Variants in ADGRG2 observed in about 807,000 individuals in gnomAD.
ADGRG2 encodes G protein-coupled receptor 64.
ADGRG2 carries 26 observed loss-of-function variants against 74.1 expected under a neutral mutation model. The ratio of observed to expected loss-of-function variants is 0.35; its 90% CI spans 0.26 to 0.49. ADGRG2 has a LOEUF of 0.49. ADGRG2 is among the 20% of genes least tolerant of loss of function. ADGRG2 has a pLI of 0.99. For missense variants in ADGRG2, 619 were observed against 763.1 expected (o/e 0.81, Z 2.22); for synonymous variants, 296 against 295.2 (o/e 1.00, Z -0.03).
At chrX:19,057,459 G>A (rs999265830) in intron 3 of ADGRG2, among the ~76,000 whole-genome samples, 5 of 111,898 alleles carry the variant, frequency 4.5e-5, no homozygotes, top group African/African-American at 1.6e-4. Context: ...TGTACGTTTT[G>A]CAAAGGTAGT....
chrX:19,117,208 T>C (rs1366819145), intron 1 of ADGRG2, among the ~76,000 whole-genome samples: 1 of 108,829 alleles, frequency 9.2e-6, no homozygotes, highest in African/African-American at 3.4e-5. Flanking sequence ...GGCAGAGAAC[T>C]GCTTGAACCT....
At chrX:19,108,215 C>T (rs1219962977) in intron 1 of ADGRG2, among the ~76,000 whole-genome samples, 1 of 108,901 alleles carries the variant, frequency 9.2e-6, no homozygotes, top group East Asian at 2.8e-4. Flanking sequence ...GCCTGTAATC[C>T]CAGCAGTTTA....
intron 3 of ADGRG2, among the ~76,000 whole-genome samples, chrX:19,066,605 G>A (rs1212794879): frequency 1.8e-5 from 2 of 108,512 alleles, no homozygotes; most frequent in Non-Finnish European, 3.8e-5. Context: ...ACAGACACCC[G>A]CAACCATGCC....
chrX:19,001,411 T>G (rs2060129990), intron 24 of ADGRG2, among the ~76,000 whole-genome samples: 1 of 112,088 alleles, frequency 8.9e-6, no homozygotes, highest in South Asian at 3.7e-4. Flanking sequence ...CAATTCCTTG[T>G]CACAGACCAG....
At chrX:19,012,759 G>A (rs2060383713) in intron 16 of ADGRG2, among the ~76,000 whole-genome samples, 1 of 111,029 alleles carries the variant, frequency 9.0e-6, no homozygotes. Flanking sequence ...CCAGGGTGGA[G>A]GAGGTGGGTA....
At chrX:19,008,673 A>C (rs1218358591) in intron 18 of ADGRG2, among the ~76,000 whole-genome samples, 1 of 111,214 alleles carries the variant, frequency 9.0e-6, no homozygotes, top group Non-Finnish European at 1.9e-5. Context: ...CTCAAAAAAA[A>C]AGAAAAAAAA....
At chrX:19,116,782 T>C (rs1464562317) in intron 1 of ADGRG2, among the ~76,000 whole-genome samples, 2 of 111,660 alleles carry the variant, frequency 1.8e-5, no homozygotes, top group Non-Finnish European at 3.8e-5. Flanking sequence ...AGAAACTAAA[T>C]GAGCAGTTTT....
At chrX:19,081,851 G>A (rs972091785) in intron 2 of ADGRG2, among the ~76,000 whole-genome samples, 3 of 110,319 alleles carry the variant, frequency 2.7e-5, no homozygotes, top group Admixed American at 9.7e-5. Context: ...GAAGCAGGAG[G>A]ATGGATTGAG....
chrX:19,035,960 G>T lies in ADGRG2; in HGVS notation c.244C>A (p.Leu82Ile). 2.0e-6 allele frequency: 2 copies of T among 994,143 alleles called. No homozygotes were observed. Among genetic ancestry groups the T allele is most frequent in the African/African-American group, 1.9e-5 (1 of 53,275 alleles). The allele number at this position is 994,143 out of a possible 1,213,427, so 81.9% of individuals were successfully genotyped here. ...TSLNDVTLSL[L>I]PSNETEKTKI... ...ATATTACCTGTTTCGTTTGAAGGGAGTAAGCTTAAAGTAACATCTGAAATA... is the reference window on the plus strand; with the variant it reads ...ATATTACCTGTTTCGTTTGAAGGGATTAAGCTTAAAGTAACATCTGAAATA... Residue 82 changes from leucine (L) to isoleucine (I), a missense_variant, in exon 7 of 29, where the codon CTC (leucine) becomes ATC (isoleucine). This residue lies in a region of ADGRG2 where 292 missense variants were observed against 318.0 expected (regional missense o/e 0.92). Transcript: ENST00000379869.
At chrX:19,009,160 G>A (rs1205898266) in intron 18 of ADGRG2, among the ~76,000 whole-genome samples, 1 of 109,301 alleles carries the variant, frequency 9.1e-6, no homozygotes, top group Non-Finnish European at 1.9e-5. Flanking sequence ...CTGACATCCT[G>A]TACCAGCCAA....
At chrX:19,026,085 T>C (rs2060695394) in intron 11 of ADGRG2, among the ~76,000 whole-genome samples, 1 of 111,758 alleles carries the variant, frequency 8.9e-6, no homozygotes, top group Non-Finnish European at 1.9e-5. Flanking sequence ...TAGTTGAACT[T>C]CTTAACCACT....
intron 3 of ADGRG2, among the ~76,000 whole-genome samples, chrX:19,064,824 C>T (rs754170059): frequency 7.3e-4 from 82 of 111,890 alleles, no homozygotes; most frequent in Middle Eastern, 4.6e-3. Flanking sequence ...AGGCAAGTTG[C>T]TTAACTCCTC....
intron 1 of ADGRG2, among the ~76,000 whole-genome samples, chrX:19,102,159 C>G (rs1213487910): frequency 9.7e-6 from 1 of 102,723 alleles, no homozygotes; most frequent in African/African-American, 3.5e-5. Flanking sequence ...TCACTTGAGC[C>G]CAGGAGTTCA....
At chrX:19,086,273 A>G (rs1426149462) in intron 1 of ADGRG2, among the ~76,000 whole-genome samples, 1 of 111,001 alleles carries the variant, frequency 9.0e-6, no homozygotes. Context: ...CAAGTCACAA[A>G]AGGAACCATA....
intron 1 of ADGRG2, among the ~76,000 whole-genome samples, chrX:19,118,462 T>A (rs2062561715): frequency 8.9e-6 from 1 of 112,432 alleles, no homozygotes; most frequent in Non-Finnish European, 1.9e-5. Flanking sequence ...CATAGCTCAC[T>A]GCAGCCTCAA....
intron 3 of ADGRG2, among the ~76,000 whole-genome samples, chrX:19,062,654 A>G (rs2061504763): frequency 1.8e-5 from 2 of 111,610 alleles, no homozygotes; most frequent in African/African-American, 6.5e-5. Context: ...TCTCAGGAGC[A>G]CGCAGCCCAT....
intron 19 of ADGRG2, 83 bp downstream of exon 19, chrX:19,007,897 A>G: frequency 1.2e-6 from 1 of 842,888 alleles, no homozygotes; most frequent in Non-Finnish European, 1.7e-6. Context: ...CGGCAGCCTT[A>G]AGAATATTCG....
chrX:19,072,283 C>A (rs192560393), intron 2 of ADGRG2, among the ~76,000 whole-genome samples: 67 of 110,902 alleles, frequency 6.0e-4, no homozygotes, highest in African/African-American at 2.2e-3. Flanking sequence ...GACACCCCTG[C>A]AAGTCTAGGG....
intron 1 of ADGRG2, among the ~76,000 whole-genome samples, chrX:19,085,490 G>A (rs987262494): frequency 2.4e-4 from 26 of 110,485 alleles, no homozygotes; most frequent in African/African-American, 7.9e-4. Context: ...AACCATGCTC[G>A]GCTAATTTGT....
Sources: allele counts gnomAD v4.1 joint callset (sites outside exome capture counted in the v4.1 genomes callset), GRCh38; gene constraint gnomAD v4.1.1; regional missense constraint gnomAD v4.1.1; transcripts MANE v1.5; gene names NCBI Gene and HGNC (gene_info 2026-07-23, HGNC 2026-07-21).